PTPN11: variants seen among roughly 807,000 people sequenced by gnomAD.
PTPN11 encodes protein tyrosine phosphatase non-receptor type 11.
PTPN11 carries 6 observed loss-of-function variants against 78.8 expected under a neutral mutation model. That is an observed-to-expected ratio of 0.08 (90% CI 0.04 to 0.15). The LOEUF is 0.15. PTPN11 is among the 10% of genes least tolerant of loss of function. PTPN11 has a pLI of 1.00. For synonymous variants in PTPN11, 221 were observed against 263.5 expected, an observed-to-expected ratio of 0.84 and a Z score of 1.56; for missense variants, 386 against 744.8, an observed-to-expected ratio of 0.52 and a Z score of 5.61.
chr12:112,490,583 C>G (rs946049745), intron 13 of PTPN11, among the ~76,000 whole-genome samples: 2 of 152,024 alleles, frequency 1.3e-5, no homozygotes, highest in Admixed American at 1.3e-4. Flanking sequence ...GTTAGGACTA[C>G]AAATTTGTGG....
chr12:112,444,956 T>C (rs538231149), intron 1 of PTPN11, among the ~76,000 whole-genome samples: 6 of 152,216 alleles, frequency 3.9e-5, no homozygotes, highest in African/African-American at 1.4e-4. Flanking sequence ...GAAAACCCAA[T>C]ATGTAGAAAC....
At chr12:112,431,374 G>T (rs1279161840) in intron 1 of PTPN11, among the ~76,000 whole-genome samples, 1 of 152,158 alleles carries the variant, frequency 6.6e-6, no homozygotes, top group Non-Finnish European at 1.5e-5. Flanking sequence ...CAGCCTGGGG[G>T]ACAGAGCGAG....
chr12:112,485,276 A>T (rs1194970197), intron 10 of PTPN11, among the ~76,000 whole-genome samples: 1 of 152,136 alleles, frequency 6.6e-6, no homozygotes, highest in Non-Finnish European at 1.5e-5. Flanking sequence ...CACTTAGCTT[A>T]GATTGTCTCT....
intron 13 of PTPN11, among the ~76,000 whole-genome samples, chr12:112,493,006 A>G (rs1274144805): frequency 6.6e-6 from 1 of 152,118 alleles, no homozygotes; most frequent in East Asian, 1.9e-4. Context: ...ATATATGTAT[A>G]CTTTGTGAAA....
chr12:112,505,722 G>A (rs1249596688), intron 15 of PTPN11, 103 bp from the exon 16 acceptor site: 1 of 151,506 alleles, frequency 6.6e-6, no homozygotes, highest in African/African-American at 2.4e-5. Flanking sequence ...ACTTCAATGG[G>A]TAGTGTAGTT....
chr12:112,439,307 T>G (rs1206970960), intron 1 of PTPN11, among the ~76,000 whole-genome samples: 2 of 152,144 alleles, frequency 1.3e-5, no homozygotes, highest in African/African-American at 4.8e-5. Flanking sequence ...TTTTATTATA[T>G]TTTTGAGACA....
rs182381146 is a variant in PTPN11, at chr12:112,473,978, G to A, written c.853+938G>A. On this transcript the variant is annotated intron_variant, in intron 7 of 15. Coordinates refer to ENST00000351677, the MANE Select transcript of PTPN11 (RefSeq NM_002834.5). ...GCTCACTGTAGCCTCAACCTCCTGGGCTCAAGCGATTCTCCCACCTCAGCC... is the reference window on the plus strand; with the variant it reads ...GCTCACTGTAGCCTCAACCTCCTGGACTCAAGCGATTCTCCCACCTCAGCC... Among the ~76,000 whole-genome samples the A allele has an allele frequency of 2.2e-4, 34 of 152,256 alleles. No homozygotes were observed. In the East Asian group the frequency reaches 6.6e-3, roughly 29 times the overall value.
rs184121581 is a variant in PTPN11, at chr12:112,473,622, G to A, written c.853+582G>A. On this transcript the variant is annotated intron_variant, in intron 7 of 15. Coordinates refer to ENST00000351677, the MANE Select transcript of PTPN11 (RefSeq NM_002834.5). ...AGCACTTTCGGAGGCCGAGGCAAGC[G>A]GATCACCTCTGATCAGGAGTTCAAG... Among the ~76,000 whole-genome samples the A allele has an allele frequency of 2.0e-5, 3 of 151,460 alleles. No individual in the cohort carries two copies. The East Asian group carries it at 5.8e-4, about 29-fold the overall frequency.
intron 1 of PTPN11, among the ~76,000 whole-genome samples, chr12:112,438,817 A>T (rs1024070674): frequency 2.0e-5 from 3 of 151,988 alleles, no homozygotes; most frequent in Non-Finnish European, 2.9e-5. Context: ...TAGAGATGGG[A>T]TCTTGCTATG....
chr12:112,435,565 C>T (rs1483434938), intron 1 of PTPN11, among the ~76,000 whole-genome samples: 1 of 151,168 alleles, frequency 6.6e-6, no homozygotes, highest in Non-Finnish European at 1.5e-5. Context: ...ACTAGTAAAA[C>T]AACAGCCAGA....
intron 1 of PTPN11, among the ~76,000 whole-genome samples, chr12:112,443,718 T>G (rs1050623189): frequency 6.7e-6 from 1 of 150,238 alleles, no homozygotes; most frequent in Non-Finnish European, 1.5e-5. Context: ...AGTGGTATGA[T>G]CTTGGCTCAC....
chr12:112,456,102 A>G (rs2038155936), intron 6 of PTPN11, 39 bp downstream of exon 6: 4 of 1,341,222 alleles, frequency 3.0e-6, no homozygotes, highest in East Asian at 4.7e-5. Context: ...GAGTTGTTAT[A>G]TCCTATTTTT....
chr12:112,436,541 T>C (rs1001099286), intron 1 of PTPN11, among the ~76,000 whole-genome samples: 2 of 152,212 alleles, frequency 1.3e-5, no homozygotes, highest in African/African-American at 4.8e-5. Flanking sequence ...TTTTAAAATA[T>C]GTTTTTCAGA....
Position 112,474,742 on chromosome 12 carries a change from T to G in PTPN11, c.853+1702T>G, listed in dbSNP as rs576810984. Among the ~76,000 whole-genome samples the G allele has an allele frequency of 2.6e-5, 4 of 152,226 alleles. No individual in the cohort carries two copies. The South Asian group carries it at 8.3e-4, about 32-fold the overall frequency. On this transcript the variant is annotated intron_variant, in intron 7 of 15. Transcript: ENST00000351677. ...TGGTCCTTCCCACCCCAGCCTGCAA[T>G]GTAGCTGGGACTACAGGCATGTGCT...
intron 13 of PTPN11, among the ~76,000 whole-genome samples, chr12:112,489,499 T>C (rs1407458328): frequency 2.0e-5 from 3 of 152,190 alleles, no homozygotes; most frequent in Non-Finnish European, 4.4e-5. Context: ...GTTTCTAGCC[T>C]GTTCCAGCCT....
At chr12:112,421,787 C>T (rs1047482338) in intron 1 of PTPN11, among the ~76,000 whole-genome samples, 5 of 152,144 alleles carry the variant, frequency 3.3e-5, no homozygotes, top group South Asian at 2.1e-4. Context: ...CCACCACACC[C>T]GGCTAATTTT....
At chr12:112,446,457 AC>A in intron 2 of PTPN11, 59 bp downstream of exon 2, 1 of 1,610,866 alleles carries the variant, frequency 6.2e-7, no homozygotes, top group Non-Finnish European at 8.5e-7. Context: ...AAGTGGTAAA[AC>A]CATGCTTGGA....
chr12:112,425,310 CT>C (rs1291413903), intron 1 of PTPN11, among the ~76,000 whole-genome samples: 2 of 151,830 alleles, frequency 1.3e-5, no homozygotes, highest in Non-Finnish European at 2.9e-5. Flanking sequence ...AAGAATTTAA[CT>C]TTTTTTGTAG....
At chr12:112,474,707 C>T (rs1054884295) in intron 7 of PTPN11, among the ~76,000 whole-genome samples, 14 of 152,084 alleles carry the variant, frequency 9.2e-5, no homozygotes, top group African/African-American at 2.2e-4. Flanking sequence ...CTCAACCTCC[C>T]GGGCTCAAGT....
Sources: allele counts gnomAD v4.1 joint callset (sites outside exome capture counted in the v4.1 genomes callset), GRCh38; gene constraint gnomAD v4.1.1; transcripts MANE v1.5; gene names NCBI Gene and HGNC (gene_info 2026-07-23, HGNC 2026-07-21).